Variants in LARS2 observed in about 807,000 individuals in gnomAD.
LARS2 encodes leucine--tRNA ligase, mitochondrial.
A neutral mutation model predicts 116.6 loss-of-function variants in LARS2; 81 were observed. The ratio of observed to expected loss-of-function variants is 0.69; its 90% confidence interval spans 0.58 to 0.84. The LOEUF (loss-of-function observed/expected upper bound fraction) is 0.84, where lower values mean the gene tolerates loss of function less well. Among genes scored for constraint, LARS2 ranks in the 40% least tolerant of loss-of-function variants. The probability of loss-of-function intolerance (pLI) is 0.00; values close to 1 mark genes in which losing one functional copy is unlikely to be tolerated. For missense variants in LARS2, 968 were observed against 1,114.5 expected (o/e 0.87, Z 1.87); for synonymous variants, 396 against 407.2 (o/e 0.97, Z 0.33).
Position 45,491,766 on chromosome 3 carries a change from A to G in LARS2, c.1489A>G (p.Met497Val), listed in dbSNP as rs537114579. 12 of 1,613,812 alleles carry G rather than the reference A, an allele frequency of 7.4e-6. 1 individual carries two copies. The highest frequency in any genetic ancestry group is 5.5e-5 in the South Asian group (5 of 91,042). Reference sequence around the variant, plus strand: ...TGGCAAGGGAGGCCCCCCACTGGCCATGGCTTCAGAGTGGGTGAACTGCTC... The same window carrying G: ...TGGCAAGGGAGGCCCCCCACTGGCCGTGGCTTCAGAGTGGGTGAACTGCTC... ...FTGKGGPPLA[M>V]ASEWVNCSCP... The change falls in exon 13 of 22, where the codon ATG becomes GTG. Residue 497 changes from methionine (M) to valine (V), a missense_variant. Met to Val is a conservative substitution (Grantham distance 21). Coordinates refer to ENST00000645846, the MANE Select transcript of LARS2 (RefSeq NM_015340.4).
At chr3:45,449,050 C>T (rs542636065) in intron 7 of LARS2, among the ~76,000 whole-genome samples, 7 of 152,178 alleles carry the variant, frequency 4.6e-5, no homozygotes, top group South Asian at 2.1e-4. Context: ...ATCAAGGTGC[C>T]GGCCTCTGGC....
intron 9 of LARS2, among the ~76,000 whole-genome samples, chr3:45,476,139 A>C (rs764663458): frequency 5.9e-5 from 9 of 152,006 alleles, no homozygotes; most frequent in Non-Finnish European, 1.2e-4. Context: ...CAAACACTAT[A>C]ACACTAATAG....
intron 20 of LARS2, among the ~76,000 whole-genome samples, chr3:45,526,363 T>C (rs530792411): frequency 1.7e-4 from 26 of 152,310 alleles, no homozygotes; most frequent in Middle Eastern, 6.8e-3. Context: ...TAAAAAGATA[T>C]GCACAGGAGT....
At chr3:45,521,017 T>C (rs1459490314) in intron 19 of LARS2, among the ~76,000 whole-genome samples, 1 of 151,994 alleles carries the variant, frequency 6.6e-6, no homozygotes, top group African/African-American at 2.4e-5. Context: ...GAAAATAAAA[T>C]AATTAGGCCA....
intron 15 of LARS2, among the ~76,000 whole-genome samples, chr3:45,509,167 C>A (rs767062538): frequency 6.6e-6 from 1 of 152,050 alleles, no homozygotes; most frequent in Non-Finnish European, 1.5e-5. Context: ...CTAATACTCC[C>A]GCGTTTGATG....
chr3:45,455,356 G>A (rs987567084), intron 7 of LARS2, among the ~76,000 whole-genome samples: 6 of 151,294 alleles, frequency 4.0e-5, no homozygotes, highest in Admixed American at 4.0e-4. Context: ...GACAGAGGTG[G>A]AGGGATATAC....
chr3:45,410,989 GA>G (rs1010181710), intron 4 of LARS2, among the ~76,000 whole-genome samples: 54 of 152,324 alleles, frequency 3.5e-4, no homozygotes, highest in African/African-American at 1.2e-3. Flanking sequence ...GTCTCAACTG[GA>G]TTGGGATATG....
At position 45,485,272 on chromosome 3, in the gene LARS2, GCTCAGTCATTTTCTA is replaced by G. The variant is rs565958184; in HGVS notation, c.1019-416_1019-402del. Among the ~76,000 whole-genome samples, 29 of 152,192 alleles carry G rather than the reference GCTCAGTCATTTTCTA, an allele frequency of 1.9e-4. 1 individual carries two copies. The South Asian group carries it at 6.0e-3, about 32-fold the overall frequency. ...TCTGGAAATGTCTTCCCTTCTTTCT[GCTCAGTCATTTTCTA>G]CTCCCTCTCCACTTCCATCTTCAAG... On this transcript the variant is annotated intron_variant, in intron 10 of 21. Coordinates refer to ENST00000645846, the MANE Select transcript of LARS2 (RefSeq NM_015340.4).
intron 6 of LARS2, among the ~76,000 whole-genome samples, chr3:45,439,797 G>A (rs749786976): frequency 2.2e-4 from 33 of 152,170 alleles, no homozygotes; most frequent in Middle Eastern, 3.4e-3. Flanking sequence ...AATTTCATGC[G>A]AACCAAATCA....
chr3:45,405,644 G>A (rs887300458), intron 4 of LARS2, among the ~76,000 whole-genome samples: 2 of 151,974 alleles, frequency 1.3e-5, no homozygotes. Flanking sequence ...GGCAACCCCA[G>A]ACACCCAATT....
intron 8 of LARS2, among the ~76,000 whole-genome samples, chr3:45,472,179 G>A (rs1192170852): frequency 6.6e-6 from 1 of 152,206 alleles, no homozygotes; most frequent in Non-Finnish European, 1.5e-5. Flanking sequence ...TCCCAAAATG[G>A]TCTGGTTAAG....
intron 8 of LARS2, among the ~76,000 whole-genome samples, chr3:45,465,578 C>T (rs1038130249): frequency 2.0e-5 from 3 of 152,148 alleles, no homozygotes; most frequent in African/African-American, 7.2e-5. Flanking sequence ...AATAACAGCC[C>T]GGGGCCAAGG....
intron 15 of LARS2, among the ~76,000 whole-genome samples, chr3:45,511,671 G>C (rs950935854): frequency 6.6e-6 from 1 of 151,782 alleles, no homozygotes; most frequent in Admixed American, 6.6e-5. Flanking sequence ...AATTCTGTCC[G>C]TTCTCGGAAG....
rs1319539245 is a variant in LARS2 at position 45,423,462 on chromosome 3, A to T, written c.516+3733A>T. 2.0e-5 allele frequency among the ~76,000 whole-genome samples: 3 copies of T among 152,164 alleles called. No individual in the cohort carries two copies. The East Asian group carries it at 5.8e-4, about 29-fold the overall frequency. On this transcript the variant is annotated intron_variant, in intron 6 of 21. Coordinates refer to ENST00000645846, the MANE Select transcript of LARS2 (RefSeq NM_015340.4). ...TCAGTAGCTGGGATTACAGGCACGC[A>T]CCACTACACCCGGCTTCTTTTTGTA...
At chr3:45,394,801 T>G in intron 3 of LARS2, 114 bp downstream of exon 3, 1 of 686,850 alleles carries the variant, frequency 1.5e-6, no homozygotes, top group Non-Finnish European at 2.5e-6. Flanking sequence ...TGAACCAAAT[T>G]GTTGAATTTC....
rs1421402237 is a variant in LARS2, at chr3:45,513,225, G to A, written c.1851G>A (p.Val617=). 6.2e-7 allele frequency: 1 copy of A among 1,605,546 alleles called. No homozygotes were observed. Among genetic ancestry groups the A allele is most frequent in the Non-Finnish European group, 8.5e-7 (1 of 1,172,140 alleles). The change falls in exon 16 of 22, where the codon GTG becomes GTA. Residue 617 remains valine (V), a synonymous_variant. Transcript: ENST00000645846. ...PSGQYLQREE[V]DLTGSVPVHA... is the part of the protein sequence containing the mutation. ...GACAGTATCTACAGAGAGAGGAAGT[G>A]GATCTCACAGGTAAGAATGGCCCAT... is the stretch of plus-strand genomic sequence containing the variant.
intron 4 of LARS2, among the ~76,000 whole-genome samples, chr3:45,409,375 CA>C (rs1698289617): frequency 6.6e-6 from 1 of 152,064 alleles, no homozygotes; most frequent in African/African-American, 2.4e-5. Flanking sequence ...AGTGAATGGA[CA>C]ATCTTGGCCA....
At chr3:45,456,444 G>A (rs112528114) in intron 7 of LARS2, among the ~76,000 whole-genome samples, 194 of 152,246 alleles carry the variant, frequency 1.3e-3, no homozygotes, top group African/African-American at 4.0e-3. Context: ...TTAGCTGGGC[G>A]TGGTGGTGGG....
intron 7 of LARS2, 88 bp from the exon 8 acceptor site, chr3:45,458,655 C>G: frequency 7.2e-7 from 1 of 1,381,212 alleles, no homozygotes; most frequent in Non-Finnish European, 1.0e-6. Context: ...CCACTGCACT[C>G]TAGCCCGGGC....
Sources: gnomAD v4.1 joint callset for allele counts (sites outside exome capture counted in the v4.1 genomes callset) on GRCh38, gnomAD v4.1.1 for gene constraint, MANE v1.5 for transcripts, NCBI Gene and HGNC (gene_info 2026-07-23, HGNC 2026-07-21) for gene names.